The following C3orf20 variants were observed in gnomAD, a reference collection of about 807,000 sequenced individuals.
The protein encoded by C3orf20 is family with sequence similarity 149 member C, also known as uncharacterized protein C3orf20.
Under a neutral mutation model 88.3 loss-of-function variants are expected in C3orf20, and 76 were observed. That is an observed-to-expected ratio of 0.86 (90% confidence interval 0.72 to 1.04). The LOEUF (loss-of-function observed/expected upper bound fraction) is 1.04. Ranked by LOEUF, C3orf20 falls within the 50% of genes least tolerant of loss-of-function variation. C3orf20 has a pLI of 0.00. For synonymous variants in C3orf20, 436 were observed against 437.4 expected, an observed-to-expected ratio of 1.00 and a Z score of 0.04; for missense variants, 1,056 against 1,123.3, an observed-to-expected ratio of 0.94 and a Z score of 0.86.
intron 15 of C3orf20, chr3:14,765,005 G>GTACAAGTTAGTACAAGTTAGCACAGT (rs1453632861): frequency 6.6e-6 from 1 of 152,220 alleles, no homozygotes; most frequent in Non-Finnish European, 1.5e-5. Context: ...TGACTGGTTA[G>GTACAAGTTAGTACAAGTTAGCACAGT]TAGTACAAGA....
At chr3:14,730,420 G>T (rs923381001) in intron 12 of C3orf20, among the ~76,000 whole-genome samples, 10 of 152,004 alleles carry the variant, frequency 6.6e-5, no homozygotes, top group Non-Finnish European at 1.3e-4. Flanking sequence ...GGTGGTGGGC[G>T]CCTGTGGTCC....
chr3:14,695,368 G>T (rs565106539), intron 5 of C3orf20, among the ~76,000 whole-genome samples: 6 of 146,280 alleles, frequency 4.1e-5, no homozygotes, highest in Admixed American at 6.8e-5. Flanking sequence ...GTTATTTCAG[G>T]TTTTTTTTTT....
chr3:14,761,055 A>C (rs1294122317), intron 14 of C3orf20, among the ~76,000 whole-genome samples: 1 of 152,022 alleles, frequency 6.6e-6, no homozygotes, highest in African/African-American at 2.4e-5. Context: ...TTCCCATTCC[A>C]TGGGATAAGC....
intron 15 of C3orf20, among the ~76,000 whole-genome samples, chr3:14,763,522 G>A (rs1458254232): frequency 6.6e-6 from 1 of 152,150 alleles, no homozygotes; most frequent in Non-Finnish European, 1.5e-5. Flanking sequence ...TTAGGGATGA[G>A]GATTTCAGCA....
At chr3:14,685,987 GAGTA>G (rs1237730969) in intron 4 of C3orf20, among the ~76,000 whole-genome samples, 1 of 150,162 alleles carries the variant, frequency 6.7e-6, no homozygotes, top group Non-Finnish European at 1.5e-5. Context: ...TCAGCCTCCC[GAGTA>G]GCTGGGACAA....
At chr3:14,677,515 T>A (rs1429298635) in intron 1 of C3orf20, among the ~76,000 whole-genome samples, 1 of 152,114 alleles carries the variant, frequency 6.6e-6, no homozygotes, top group Non-Finnish European at 1.5e-5. Flanking sequence ...TTTTTGTTTT[T>A]TTAGACGGGA....
Position 14,753,938 on chromosome 3 carries a change from A to G in C3orf20, c.1941-3433A>G, listed in dbSNP as rs570318165. On this transcript the variant is annotated intron_variant, in intron 12 of 16. Transcript: ENST00000253697. Reference sequence around the variant, plus strand: ...GGCTCTGTATTGAGACATTCATTCAATGCTTTTAGTCAGGCTGTTCACACC... The same window carrying G: ...GGCTCTGTATTGAGACATTCATTCAGTGCTTTTAGTCAGGCTGTTCACACC... Among the ~76,000 whole-genome samples, 10 of 152,356 alleles carry G rather than the reference A, an allele frequency of 6.6e-5. No homozygotes were observed. In the East Asian group the frequency reaches 7.7e-4, roughly 12 times the overall value.
intron 12 of C3orf20, among the ~76,000 whole-genome samples, chr3:14,754,236 G>T (rs2035297500): frequency 6.6e-6 from 1 of 152,074 alleles, no homozygotes; most frequent in Admixed American, 6.6e-5. Context: ...GTCTTTAAAT[G>T]CACCTGACAG....
At chr3:14,756,028 C>CAAAAAAAA (rs56242160) in intron 12 of C3orf20, among the ~76,000 whole-genome samples, 1 of 72,724 alleles carries the variant, frequency 1.4e-5, no homozygotes, top group Non-Finnish European at 2.6e-5. Context: ...GACTCCATCT[C>CAAAAAAAA]AAAAAAAAAA....
Position 14,757,563 on chromosome 3 carries a change from G to A in C3orf20, c.2133G>A (p.Leu711=). ...CGCCCCGAGACCCCAGCCAAGTGCT[G>A]GTGTTTGGGATCATCTCAAGCCAGA... The part of the protein sequence containing the change: ...LLAPRDPSQV[L]VFGIISSQNY... The change falls in exon 13 of 17, where the codon CTG becomes CTA. Residue 711 remains leucine (L), a synonymous_variant. Transcript: ENST00000253697. The A allele has an allele frequency of 6.2e-7, 1 of 1,614,104 alleles. No homozygotes were observed. Among genetic ancestry groups the A allele is most frequent in the Non-Finnish European group, 8.5e-7 (1 of 1,179,988 alleles).
Position 14,690,034 on chromosome 3 carries a change from G to C in C3orf20, c.663G>C (p.Ser221=). 1 of 1,614,084 alleles carries C rather than the reference G, an allele frequency of 6.2e-7. No homozygotes were observed. Among genetic ancestry groups the C allele is most frequent in the Non-Finnish European group, 8.5e-7 (1 of 1,180,006 alleles). The change falls in exon 5 of 17, where the codon TCG becomes TCC. Residue 221 remains serine, a synonymous_variant. Transcript: ENST00000253697. ...LANMSAIGVN[S]PYQLIYHSST... The stretch of plus-strand genomic sequence containing the variant: ...ACATGTCCGCCATTGGGGTGAACTC[G>C]CCTTACCAGCTGATCTACCACTCTT...
In C3orf20 at chr3:14,729,545, A is replaced by G. The variant is rs145311607; in HGVS notation, c.1940+857A>G. The stretch of plus-strand genomic sequence containing the variant: ...TTCCATAAGGAAGTGACATCATCTG[A>G]TTTATCTTTGTTTTTTTTTCAGACA... On this transcript the variant is annotated intron_variant, in intron 12 of 16. Coordinates refer to ENST00000253697, the MANE Select transcript of C3orf20 (RefSeq NM_032137.5). Among the ~76,000 whole-genome samples the G allele has an allele frequency of 3.6e-3, 552 of 152,066 alleles. 1 individual carries two copies. Among genetic ancestry groups the G allele is most frequent in the Non-Finnish European group, 5.4e-3 (369 of 67,958 alleles).
chr3:14,714,496 T>G (rs1047751564), intron 8 of C3orf20, among the ~76,000 whole-genome samples: 30 of 152,182 alleles, frequency 2.0e-4, no homozygotes, highest in Non-Finnish European at 1.2e-4. Flanking sequence ...CAGGAGTAGG[T>G]GAAGGAGAGG....
intron 12 of C3orf20, among the ~76,000 whole-genome samples, chr3:14,743,442 C>T (rs1198633998): frequency 6.6e-6 from 1 of 151,954 alleles, no homozygotes; most frequent in African/African-American, 2.4e-5. Flanking sequence ...CTCCTGGCTC[C>T]TTTCATGGGC....
intron 12 of C3orf20, among the ~76,000 whole-genome samples, chr3:14,751,758 G>A (rs1426377326): frequency 6.6e-6 from 1 of 152,032 alleles, no homozygotes; most frequent in Non-Finnish European, 1.5e-5. Context: ...AAAACACCTA[G>A]GAATCCAACT....
At chr3:14,742,156 C>T (rs1381719272) in intron 12 of C3orf20, among the ~76,000 whole-genome samples, 1 of 152,148 alleles carries the variant, frequency 6.6e-6, no homozygotes, top group Non-Finnish European at 1.5e-5. Flanking sequence ...CGTTTAATGA[C>T]AAAAACCGCA....
chr3:14,721,563 A>G, intron 9 of C3orf20, 90 bp from the exon 10 acceptor site: 2 of 1,537,730 alleles, frequency 1.3e-6, no homozygotes, highest in Non-Finnish European at 1.8e-6. Flanking sequence ...CCCCAAGCCA[A>G]CAGGGGCTTT....
chr3:14,713,478 C>T (rs1429683938), intron 7 of C3orf20, among the ~76,000 whole-genome samples: 2 of 152,196 alleles, frequency 1.3e-5, no homozygotes, highest in African/African-American at 4.8e-5. Context: ...CTTGGGGCCT[C>T]TTTACTAGAA....
At chr3:14,679,066 C>A (rs1202144717) in intron 1 of C3orf20, among the ~76,000 whole-genome samples, 1 of 152,218 alleles carries the variant, frequency 6.6e-6, no homozygotes, top group East Asian at 1.9e-4. Flanking sequence ...TTTGTAGGTG[C>A]TGTTTCTTCT....
Sources: allele counts gnomAD v4.1 joint callset (sites outside exome capture counted in the v4.1 genomes callset), GRCh38; gene constraint gnomAD v4.1.1; transcripts MANE v1.5; gene names NCBI Gene and HGNC (gene_info 2026-07-23, HGNC 2026-07-21).